The following FSAF1 variants were observed in gnomAD, a reference collection of about 807,000 sequenced individuals.
The protein encoded by FSAF1 is uncharacterized protein C1orf131.
At chr1:231,239,709 A>G in the FSAF1 span, among the ~76,000 whole-genome samples, 1 of 152,202 alleles carries the variant, frequency 6.6e-6, no homozygotes, top group South Asian at 2.1e-4. Context: ...TGAAAGTTCT[A>G]ACCAGAATCC....
the FSAF1 span, chr1:231,227,087 A>C: frequency 6.2e-7 from 1 of 1,612,942 alleles, no homozygotes; most frequent in Non-Finnish European, 8.5e-7. Flanking sequence ...ACAAAGCATA[A>C]TCAGACGCAA....
chr1:231,238,680 G>A, the FSAF1 span: 2 of 573,692 alleles, frequency 3.5e-6, no homozygotes, highest in South Asian at 5.1e-5. Flanking sequence ...AGGTCAGTCT[G>A]TAGGCCTACA....
the FSAF1 span, among the ~76,000 whole-genome samples, chr1:231,229,915 G>T: frequency 2.0e-5 from 3 of 152,116 alleles, no homozygotes; most frequent in Non-Finnish European, 2.9e-5. Context: ...TCTGAAGATG[G>T]ATGGTAATGA....
At chr1:231,235,429 G>A in the FSAF1 span, among the ~76,000 whole-genome samples, 3 of 151,946 alleles carry the variant, frequency 2.0e-5, no homozygotes, top group Non-Finnish European at 4.4e-5. Context: ...CCCGGGAGGC[G>A]GAGGTTGTAG....
chr1:231,233,085 C>T, the FSAF1 span, among the ~76,000 whole-genome samples: 1 of 152,190 alleles, frequency 6.6e-6, no homozygotes, highest in Non-Finnish European at 1.5e-5. Flanking sequence ...TGGAGGATTT[C>T]CGGGTGGAGT....
At chr1:231,225,481 G>A in the FSAF1 span, 1 of 1,613,746 alleles carries the variant, frequency 6.2e-7, no homozygotes, top group Non-Finnish European at 8.5e-7. Context: ...CTGTCCTCCT[G>A]TCCTTTCCTC....
At chr1:231,228,258 T>C in the FSAF1 span, among the ~76,000 whole-genome samples, 1 of 152,190 alleles carries the variant, frequency 6.6e-6, no homozygotes, top group Non-Finnish European at 1.5e-5. Context: ...TCAGTGGCGT[T>C]GTAGTCACAA....
the FSAF1 span, among the ~76,000 whole-genome samples, chr1:231,232,639 T>A: frequency 6.6e-6 from 1 of 152,092 alleles, no homozygotes; most frequent in Admixed American, 6.5e-5. Flanking sequence ...AGCCTTACTA[T>A]CCCACACAAG....
the FSAF1 span, chr1:231,239,052 C>G: frequency 2.2e-3 from 3,511 of 1,614,172 alleles, 70 homozygotes; most frequent in African/African-American, 0.042. Context: ...TCGAAGCGCT[C>G]TTCCTCTGGC....
chr1:231,237,458 T>A, the FSAF1 span: 2 of 152,156 alleles, frequency 1.3e-5, no homozygotes, highest in African/African-American at 2.4e-5. Context: ...AAGGAGATCA[T>A]CCCAGATTCA....
At chr1:231,238,806 C>T in the FSAF1 span, 1 of 1,504,722 alleles carries the variant, frequency 6.6e-7, no homozygotes, top group Admixed American at 1.8e-5. Context: ...TCACCTAATA[C>T]TACAATACCA....
chr1:231,239,025 A>C, the FSAF1 span: 1 of 1,614,024 alleles, frequency 6.2e-7, no homozygotes. Flanking sequence ...GCTCTTCTCT[A>C]AGTTCCTTGA....
At chr1:231,239,185 C>A in the FSAF1 span, 2 of 1,549,532 alleles carry the variant, frequency 1.3e-6, no homozygotes, top group Non-Finnish European at 1.7e-6. Flanking sequence ...ACCTTCTGTA[C>A]CTCCTGTTTG....
At chr1:231,226,058 C>T in the FSAF1 span, 389 of 143,024 alleles carry the variant, frequency 2.7e-3, 4 homozygotes, top group South Asian at 0.019. Context: ...AAGTAGCCTG[C>T]ATTATTGGAA....
At chr1:231,227,914 T>TG in the FSAF1 span, among the ~76,000 whole-genome samples, 1 of 152,278 alleles carries the variant, frequency 6.6e-6, no homozygotes, top group African/African-American at 2.4e-5. Context: ...CTTGAACAGC[T>TG]GATACAAAGA....
chr1:231,225,998 C>CAAAAAAAAAA, the FSAF1 span: 3 of 28,368 alleles, frequency 1.1e-4, no homozygotes, highest in African/African-American at 4.4e-4. Context: ...ACGTAAAATG[C>CAAAAAAAAAA]AAAAAAAAAA....
chr1:231,224,381 C>A, the FSAF1 span: 4 of 1,612,092 alleles, frequency 2.5e-6, no homozygotes, highest in Non-Finnish European at 3.4e-6. Context: ...GTCCATTTGA[C>A]AAAATACTGG....
chr1:231,225,625 T>C, the FSAF1 span: 3 of 1,021,208 alleles, frequency 2.9e-6, no homozygotes, highest in Admixed American at 1.8e-5. Flanking sequence ...ATACCATTTT[T>C]AACATTTCTT....
At chr1:231,236,480 C>T in the FSAF1 span, among the ~76,000 whole-genome samples, 1 of 152,054 alleles carries the variant, frequency 6.6e-6, no homozygotes, top group Non-Finnish European at 1.5e-5. Flanking sequence ...TGAGAAGAGC[C>T]AACTAGAATG....
Sources: allele counts gnomAD v4.1 joint callset (sites outside exome capture counted in the v4.1 genomes callset), GRCh38; gene constraint gnomAD v4.1.1; transcripts MANE v1.5; gene names NCBI Gene and HGNC (gene_info 2026-07-23, HGNC 2026-07-21).